ALDH3A1: variants seen among roughly 807,000 people sequenced by gnomAD.
The protein encoded by ALDH3A1 is aldehyde dehydrogenase 3 family member A1.
In ALDH3A1, 46 loss-of-function variants were observed where a neutral mutation model predicts 49.9. That is an observed-to-expected ratio of 0.92 (90% CI 0.73 to 1.18). ALDH3A1 has a LOEUF of 1.18. Ranked by LOEUF, ALDH3A1 falls within the 50% of genes most tolerant of loss-of-function variation. The pLI is 0.00. For synonymous variants in ALDH3A1, 269 were observed against 253.3 expected (o/e 1.06, Z -0.59); for missense variants, 592 against 611.8 (o/e 0.97, Z 0.34).
Position 19,738,097 on chromosome 17 carries a change from C to G in ALDH3A1, c.*124G>C. 1 of 1,590,696 alleles carries G rather than the reference C, an allele frequency of 6.3e-7. No homozygotes were observed. The highest frequency in any genetic ancestry group is 8.5e-7 in the Non-Finnish European group (1 of 1,174,998). On this transcript the variant is annotated 3_prime_UTR_variant, in exon 11 of 11. Transcript: ENST00000225740. ...GTGGGGTGTGCACAGGTCAGCAGGT[C>G]AGCAGAGGAGTGGGGCTGGGCTGGG...
At chr17:19,744,494 C>G (rs1392714904) in intron 2 of ALDH3A1, 1 of 985,310 alleles carries the variant, frequency 1.0e-6, no homozygotes, top group Non-Finnish European at 1.2e-6. Context: ...GGACCCCAGG[C>G]AGCATGTGGG....
chr17:19,741,680 G>A (rs1023826832), intron 5 of ALDH3A1, among the ~76,000 whole-genome samples: 3 of 152,160 alleles, frequency 2.0e-5, no homozygotes, highest in Admixed American at 1.3e-4. Flanking sequence ...GCTGAACCCA[G>A]TACAGTTCCT....
chr17:19,746,209 T>A (rs2152376442), intron 1 of ALDH3A1, among the ~76,000 whole-genome samples: 1 of 152,238 alleles, frequency 6.6e-6, no homozygotes, highest in East Asian at 1.9e-4. Context: ...GCCAACATGG[T>A]GAAACCCTGT....
chr17:19,744,895 T>TCCCCCCCCCCCCCCCCCCCCCCCCCCCC, intron 2 of ALDH3A1, 73 bp downstream of exon 2: 6 of 924,174 alleles, frequency 6.5e-6, no homozygotes, highest in Admixed American at 5.1e-5. Context: ...GGTCGCACTC[T>TCCCCCCCCCCCCCCCCCCCCCCCCCCCC]CCCCAGCCCC....
chr17:19,743,095 C>A lies in ALDH3A1; in HGVS notation c.394+137G>T. ...AGAGGCCTGGCTAAACAGCTTGGTC[C>A]CCACAGCCTCCTGTGACAGACCCAG... On this transcript the variant is annotated intron_variant, in intron 3 of 10. Coordinates refer to ENST00000225740, the MANE Select transcript of ALDH3A1 (RefSeq NM_000691.5). This position sits in a 1 kb window ranked among gnomAD's most constrained non-coding sequence, Gnocchi z 4.4. 1 of 1,536,082 alleles carries A rather than the reference C, an allele frequency of 6.5e-7. No homozygotes were observed. Among genetic ancestry groups the A allele is most frequent in the Non-Finnish European group, 8.7e-7 (1 of 1,146,934 alleles).
chr17:19,738,133 C>A lies in ALDH3A1; in HGVS notation c.*88G>T. 1 of 1,607,480 alleles carries A rather than the reference C, an allele frequency of 6.2e-7. No homozygotes were observed. The highest frequency in any genetic ancestry group is 8.5e-7 in the Non-Finnish European group (1 of 1,179,718). On this transcript the variant is annotated 3_prime_UTR_variant, in exon 11 of 11. Transcript: ENST00000225740. The stretch of plus-strand genomic sequence containing the variant: ...TGGGGCTGGGCTGGGGCTGCAGGAG[C>A]GATTCTCCCAGGGCCAGGAGAGCCA...
intron 7 of ALDH3A1, 139 bp downstream of exon 7, chr17:19,740,197 G>A (rs560446027): frequency 1.5e-5 from 17 of 1,151,326 alleles, no homozygotes; most frequent in African/African-American, 7.7e-5. Context: ...GGAGTCTACC[G>A]CAGGCTCCCT....
intron 8 of ALDH3A1, 84 bp downstream of exon 8, chr17:19,739,424 C>T: frequency 6.8e-7 from 1 of 1,475,170 alleles, no homozygotes; most frequent in Non-Finnish European, 9.2e-7. Context: ...GGTCACACAG[C>T]CAGAGAACAG....
In ALDH3A1 at chr17:19,743,569, C is replaced by A; in HGVS notation, c.163-106G>T. 6.7e-7 allele frequency: 1 copy of A among 1,489,346 alleles called. No homozygotes were observed. Among genetic ancestry groups the A allele is most frequent in the South Asian group, 1.4e-5 (1 of 73,186 alleles). The allele number at this position is 1,489,346 out of a possible 1,614,324, so 92.3% of individuals were successfully genotyped here. On this transcript the variant is annotated intron_variant, in intron 2 of 10. Coordinates refer to ENST00000225740, the MANE Select transcript of ALDH3A1 (RefSeq NM_000691.5). The surrounding 1 kb of genome is among the most constrained non-coding windows in gnomAD (Gnocchi z 4.4). ...CTGCCAGGGTGATGGGGGTCACTCA[C>A]CCAGCCCAGGGTGGGGGCAGCCGCA...
Position 19,745,066 on chromosome 17 carries a change from G to A in ALDH3A1, c.64C>T (p.Pro22Ser), listed in dbSNP as rs1381535071. ...AGCTGCTGGATCCGGAACTGCAGCG[G>A]ACGGGTCCTGCCCGAGCTGAAGGCG... ...RAAFSSGRTR[P>S]LQFRIQQLEA... Residue 22 changes from proline to serine, a missense_variant, in exon 2 of 11, where the codon CCG (proline) becomes TCG (serine). Physicochemically the swap from Pro to Ser is moderately conservative, Grantham distance 74 (BLOSUM62 -1). Coordinates refer to ENST00000225740, the MANE Select transcript of ALDH3A1 (RefSeq NM_000691.5). The A allele has an allele frequency of 6.3e-7, 1 of 1,598,002 alleles. No homozygotes were observed. The highest frequency in any genetic ancestry group is 2.2e-5 in the East Asian group (1 of 44,678).
intron 8 of ALDH3A1, 136 bp downstream of exon 8, chr17:19,739,372 A>G: frequency 9.2e-7 from 1 of 1,085,642 alleles, no homozygotes; most frequent in South Asian, 1.6e-5. Flanking sequence ...GATCTTACAG[A>G]CGAGGTGAAA....
Position 19,743,631 on chromosome 17 carries a change from T to C in ALDH3A1, c.163-168A>G. 1 of 1,420,658 alleles carries C rather than the reference T, an allele frequency of 7.0e-7. No homozygotes were observed. The highest frequency in any genetic ancestry group is 2.6e-5 in the East Asian group (1 of 38,642). The allele number at this position is 1,420,658 out of a possible 1,614,324, so 88.0% of individuals were successfully genotyped here. A position where few individuals can be genotyped will look rare whatever the true frequency, so the allele number is the denominator to read the frequency against. ...GGGGAAGCAGAGCCAGGATTAGCCG[T>C]TGGACCTGTGGGTCTGAGAGGACCC... is the stretch of plus-strand genomic sequence containing the variant. On this transcript the variant is annotated intron_variant, in intron 2 of 10. Coordinates refer to ENST00000225740, the MANE Select transcript of ALDH3A1 (RefSeq NM_000691.5). This position sits in a 1 kb window ranked among gnomAD's most constrained non-coding sequence, Gnocchi z 4.4.
intron 2 of ALDH3A1, 73 bp downstream of exon 2, chr17:19,744,895 T>TCCCCCCCCCCCCCCCCCCCCCCCCCC: frequency 2.2e-6 from 2 of 924,176 alleles, no homozygotes; most frequent in Non-Finnish European, 1.4e-6. Context: ...GGTCGCACTC[T>TCCCCCCCCCCCCCCCCCCCCCCCCCC]CCCCAGCCCC....
In ALDH3A1 at chr17:19,738,151, G is replaced by T; in HGVS notation, c.*70C>A. ...GCAGGAGCGATTCTCCCAGGGCCAGGAGAGCCAGTGAGGGTGGTCCGCACT... is the reference window on the plus strand; with the variant it reads ...GCAGGAGCGATTCTCCCAGGGCCAGTAGAGCCAGTGAGGGTGGTCCGCACT... On this transcript the variant is annotated 3_prime_UTR_variant, in exon 11 of 11. Coordinates refer to ENST00000225740, the MANE Select transcript of ALDH3A1 (RefSeq NM_000691.5). The T allele has an allele frequency of 6.2e-7, 1 of 1,611,488 alleles. No individual in the cohort carries two copies.
intron 1 of ALDH3A1, among the ~76,000 whole-genome samples, chr17:19,747,450 C>T (rs946682865): frequency 4.6e-5 from 7 of 152,334 alleles, no homozygotes; most frequent in African/African-American, 1.2e-4. Context: ...GAGCCTTGTA[C>T]GGTCAAACCA....
chr17:19,738,252 G>C lies in ALDH3A1; in HGVS notation c.1348-17C>G. On this transcript the variant is annotated splice_polypyrimidine_tract_variant and intron_variant, in intron 10 of 10. Coordinates refer to ENST00000225740, the MANE Select transcript of ALDH3A1 (RefSeq NM_000691.5). ...CTGGGTCATCTGTGAAAGGGACACG[G>C]AGTGGGCAGTGATCCCCAGGCCCTG... 6.2e-7 allele frequency: 1 copy of C among 1,614,114 alleles called. No homozygotes were observed. Among genetic ancestry groups the C allele is most frequent in the Non-Finnish European group, 8.5e-7 (1 of 1,180,022 alleles).
At chr17:19,739,161 C>T in intron 8 of ALDH3A1, 66 bp from the exon 9 acceptor site, 1 of 1,441,570 alleles carries the variant, frequency 6.9e-7, no homozygotes. Flanking sequence ...CCCAACCCGA[C>T]CCTGCCTGGG....
chr17:19,742,806 T>TGACAGAGGGACACACACGGGCACAC, intron 3 of ALDH3A1, 176 bp from the exon 4 acceptor site: 3 of 1,534,692 alleles, frequency 2.0e-6, no homozygotes, highest in Non-Finnish European at 2.6e-6. Flanking sequence ...CACGGGCACA[T>TGACAGAGGGACACACACGGGCACAC]GACAGAGGGA....
At position 19,743,609 on chromosome 17, in the gene ALDH3A1, G is replaced by A; in HGVS notation, c.163-146C>T. 2 of 1,439,754 alleles carry A rather than the reference G, an allele frequency of 1.4e-6. No homozygotes were observed. The highest frequency in any genetic ancestry group is 1.8e-6 in the Non-Finnish European group (2 of 1,101,288). 89.2% of individuals were successfully genotyped at this position (1,439,754 alleles called of 1,614,324 possible). A position where few individuals can be genotyped will look rare whatever the true frequency, so the allele number is the denominator to read the frequency against. ...GGGCAGCCGCAGAAGGCTCCCAGGG[G>A]AAGCAGAGCCAGGATTAGCCGTTGG... On this transcript the variant is annotated intron_variant, in intron 2 of 10. Coordinates refer to ENST00000225740, the MANE Select transcript of ALDH3A1 (RefSeq NM_000691.5). The surrounding 1 kb of genome is among the most constrained non-coding windows in gnomAD (Gnocchi z 4.4).
Sources: allele counts gnomAD v4.1 joint callset (sites outside exome capture counted in the v4.1 genomes callset), GRCh38; gene constraint gnomAD v4.1.1; non-coding constraint Gnocchi (gnomAD v3.1); transcripts MANE v1.5; gene names NCBI Gene and HGNC (gene_info 2026-07-23, HGNC 2026-07-21).